Variants in ENTPD1 observed in about 807,000 individuals in gnomAD.
The protein encoded by ENTPD1 is ectonucleoside triphosphate diphosphohydrolase 1.
ENTPD1 carries 33 observed loss-of-function variants against 57.0 expected under a neutral mutation model. That is an observed-to-expected ratio of 0.58 (90% confidence interval 0.44 to 0.77). ENTPD1 has a LOEUF of 0.77. ENTPD1 is among the 30% of genes least tolerant of loss of function. The pLI is 0.00. For missense variants in ENTPD1, 501 were observed against 603.4 expected (o/e 0.83, Z 1.78); for synonymous variants, 202 against 218.8 (o/e 0.92, Z 0.68).
chr10:95,817,473 GC>G (rs2098334030), intron 1 of ENTPD1, among the ~76,000 whole-genome samples: 1 of 152,190 alleles, frequency 6.6e-6, no homozygotes, highest in Non-Finnish European at 1.5e-5. Flanking sequence ...CCCCTAAGTT[GC>G]TAAGCATAGA....
At chr10:95,859,868 T>C (rs1421336330) in intron 7 of ENTPD1, among the ~76,000 whole-genome samples, 1 of 152,204 alleles carries the variant, frequency 6.6e-6, no homozygotes, top group Non-Finnish European at 1.5e-5. Context: ...TTTTACTGAT[T>C]TGAACTTTTA....
rs1379954135 is a variant in ENTPD1, at chr10:95,844,594, G to A, written c.532G>A (p.Gly178Ser). 6.2e-7 allele frequency: 1 copy of A among 1,614,184 alleles called. No individual in the cohort carries two copies. The highest frequency in any genetic ancestry group is 1.3e-5 in the African/African-American group (1 of 75,054). The change falls in exon 5 of 10, where the codon GGC becomes AGC. Residue 178 changes from glycine to serine, a missense_variant. Transcript: ENST00000371205. Reference sequence around the variant, plus strand: ...TACTGGCCAAGAGGAAGGTGCCTATGGCTGGATTACTATCAACTATCTGCT... The same window carrying A: ...TACTGGCCAAGAGGAAGGTGCCTATAGCTGGATTACTATCAACTATCTGCT... ...IITGQEEGAY[G>S]WITINYLLGK...
intron 1 of ENTPD1, among the ~76,000 whole-genome samples, chr10:95,733,637 C>T (rs1367907046): frequency 6.6e-6 from 1 of 152,294 alleles, no homozygotes; most frequent in Middle Eastern, 3.4e-3. Flanking sequence ...TTATGTTCTC[C>T]TGCCATGGCT....
At chr10:95,788,811 A>G (rs761718817) in intron 1 of ENTPD1, among the ~76,000 whole-genome samples, 1 of 152,146 alleles carries the variant, frequency 6.6e-6, no homozygotes, top group Non-Finnish European at 1.5e-5. Flanking sequence ...TATTTTCTCT[A>G]TTTTCTAAAA....
intron 7 of ENTPD1, 86 bp downstream of exon 7, chr10:95,847,792 C>T: frequency 6.3e-7 from 1 of 1,586,838 alleles, no homozygotes; most frequent in Non-Finnish European, 8.6e-7. Flanking sequence ...TAATAGGATG[C>T]ATTTTTCTCT....
chr10:95,809,262 C>T (rs188380710), intron 1 of ENTPD1, among the ~76,000 whole-genome samples: 5,167 of 152,154 alleles, frequency 0.034, 119 homozygotes, highest in Non-Finnish European at 0.049. Context: ...GGGTGGCAGC[C>T]GGGCAGAGGC....
intron 7 of ENTPD1, among the ~76,000 whole-genome samples, chr10:95,851,069 A>G (rs1468148920): frequency 6.6e-6 from 1 of 152,234 alleles, no homozygotes; most frequent in Non-Finnish European, 1.5e-5. Flanking sequence ...GAAAGAGGGA[A>G]CATCTGTAGG....
At chr10:95,727,911 A>G (rs2097985383) in intron 1 of ENTPD1, among the ~76,000 whole-genome samples, 1 of 152,250 alleles carries the variant, frequency 6.6e-6, no homozygotes, top group African/African-American at 2.4e-5. Context: ...ACATCACAGT[A>G]TTCACATAAA....
At chr10:95,768,846 A>G (rs558850483) in intron 1 of ENTPD1, among the ~76,000 whole-genome samples, 2 of 152,332 alleles carry the variant, frequency 1.3e-5, no homozygotes, top group South Asian at 4.1e-4. Context: ...CTTATCCTTG[A>G]AAGAAAAGAG....
chr10:95,777,058 T>C (rs2098136803), intron 1 of ENTPD1, among the ~76,000 whole-genome samples: 1 of 152,224 alleles, frequency 6.6e-6, no homozygotes, highest in South Asian at 2.1e-4. Flanking sequence ...TTTAGCTTCC[T>C]TGCGATGGGT....
intron 1 of ENTPD1, among the ~76,000 whole-genome samples, chr10:95,810,967 G>A (rs2098303919): frequency 6.6e-6 from 1 of 152,178 alleles, no homozygotes; most frequent in Non-Finnish European, 1.5e-5. Flanking sequence ...CAATTTATAA[G>A]ATTGAGTTTT....
chr10:95,809,374 G>A (rs1319958795), intron 1 of ENTPD1, among the ~76,000 whole-genome samples: 12 of 149,374 alleles, frequency 8.0e-5, no homozygotes, highest in East Asian at 2.0e-4. Context: ...CGGGGCGGCC[G>A]GGCAGAGGCG....
intron 1 of ENTPD1, among the ~76,000 whole-genome samples, chr10:95,802,084 C>T (rs115571561): frequency 3.3e-5 from 5 of 152,150 alleles, no homozygotes; most frequent in East Asian, 1.9e-4. Flanking sequence ...CCAAGGTGAT[C>T]GGGGTACAGC....
intron 1 of ENTPD1, among the ~76,000 whole-genome samples, chr10:95,808,530 T>C (rs369740371): frequency 2.0e-5 from 3 of 152,254 alleles, no homozygotes; most frequent in East Asian, 3.9e-4. Flanking sequence ...GTAGAAAAAT[T>C]GACATGGCAA....
chr10:95,814,556 C>T (rs929772107), intron 1 of ENTPD1, among the ~76,000 whole-genome samples: 2 of 150,692 alleles, frequency 1.3e-5, no homozygotes, highest in African/African-American at 4.9e-5. Context: ...TTGTTCTGCA[C>T]CCCCACCCAC....
At chr10:95,724,756 C>T (rs111721349) in intron 1 of ENTPD1, among the ~76,000 whole-genome samples, 91 of 152,218 alleles carry the variant, frequency 6.0e-4, no homozygotes, top group Middle Eastern at 3.4e-3. Flanking sequence ...GGATGGCAAG[C>T]GAAAGCTCAG....
chr10:95,812,888 A>G, intron 1 of ENTPD1, among the ~76,000 whole-genome samples: 1 of 152,222 alleles, frequency 6.6e-6, no homozygotes. Flanking sequence ...GGTAGTTAGA[A>G]TACATTTAAT....
At chr10:95,827,181 C>T (rs185165190) in intron 2 of ENTPD1, among the ~76,000 whole-genome samples, 80 of 152,208 alleles carry the variant, frequency 5.3e-4, no homozygotes, top group African/African-American at 1.8e-3. Context: ...TGGCTGGGCG[C>T]GGTGGCTCAC....
chr10:95,699,810 A>G, the ENTPD1 span, among the ~76,000 whole-genome samples: 1 of 152,222 alleles, frequency 6.6e-6, no homozygotes, highest in Non-Finnish European at 1.5e-5. Flanking sequence ...AAGATTTTTC[A>G]TACATTTTTG....
Sources: allele counts gnomAD v4.1 joint callset (sites outside exome capture counted in the v4.1 genomes callset), GRCh38; gene constraint gnomAD v4.1.1; transcripts MANE v1.5; gene names NCBI Gene and HGNC (gene_info 2026-07-23, HGNC 2026-07-21).